PCSK6: variants seen among roughly 807,000 people sequenced by gnomAD.
The protein encoded by PCSK6 is paired basic amino acid cleaving enzyme 4.
Under a neutral mutation model 123.3 loss-of-function variants are expected in PCSK6, and 85 were observed. That is an observed-to-expected ratio of 0.69 (90% CI 0.58 to 0.83). The LOEUF is 0.83. PCSK6 is among the 40% of genes least tolerant of loss of function. The probability of loss-of-function intolerance (pLI) is 0.00; values close to 1 mark genes in which losing one functional copy is unlikely to be tolerated. For missense variants in PCSK6, 1,191 were observed against 1,282.3 expected, an observed-to-expected ratio of 0.93 and a Z score of 1.09; for synonymous variants, 508 against 516.0, an observed-to-expected ratio of 0.98 and a Z score of 0.21.
chr15:101,489,398 C>A lies in PCSK6; in HGVS notation c.273G>T (p.Ala91=). The change falls in exon 1 of 22, where the codon GCG becomes GCT. Residue 91 remains alanine (A), a synonymous_variant. Transcript: ENST00000611716. The part of the protein sequence containing the change: ...GPAEADRVAA[A]HGYLNLGQIG... ...CCTGGCCCAAGTTGAGGTACCCGTG[C>A]GCCGCCGCCACGCGGTCCGCCTCGG... The A allele has an allele frequency of 2.4e-6, 3 of 1,270,436 alleles. No homozygotes were observed. The highest frequency in any genetic ancestry group is 3.0e-6 in the Non-Finnish European group (3 of 993,858). The allele number at this position is 1,270,436 out of a possible 1,614,324, so 78.7% of individuals were successfully genotyped here.
intron 6 of PCSK6, among the ~76,000 whole-genome samples, chr15:101,418,322 C>T (rs1375744040): frequency 5.9e-5 from 9 of 152,120 alleles, no homozygotes; most frequent in Admixed American, 1.3e-4. Flanking sequence ...ACTCTTTCTA[C>T]GAGACTGGCC....
chr15:101,411,234 C>A (rs774030605), intron 6 of PCSK6, among the ~76,000 whole-genome samples: 14 of 152,084 alleles, frequency 9.2e-5, no homozygotes, highest in Non-Finnish European at 1.8e-4. Flanking sequence ...CCAGGCTGGG[C>A]GTGCAAGGAC....
At chr15:101,322,338 C>T (rs552799116) in intron 18 of PCSK6, among the ~76,000 whole-genome samples, 182 bp downstream of exon 18, 2 of 152,206 alleles carry the variant, frequency 1.3e-5, no homozygotes, top group South Asian at 2.1e-4. Context: ...AGATTCCGCC[C>T]ATCCTCTCCC....
chr15:101,353,248 G>A (rs1030902445), intron 13 of PCSK6, among the ~76,000 whole-genome samples: 9 of 152,188 alleles, frequency 5.9e-5, no homozygotes, highest in African/African-American at 1.2e-4. Context: ...CATAAGGAGC[G>A]TGCAACCTAG....
chr15:101,366,154 T>C (rs1264059257), intron 13 of PCSK6, 42 bp downstream of exon 13: 1 of 1,576,304 alleles, frequency 6.3e-7, no homozygotes, highest in Non-Finnish European at 8.6e-7. Context: ...AAAAGAGGCT[T>C]GAGATACAAA....
At chr15:101,362,341 C>A (rs1344652089) in intron 13 of PCSK6, among the ~76,000 whole-genome samples, 4 of 152,146 alleles carry the variant, frequency 2.6e-5, no homozygotes, top group South Asian at 4.1e-4. Flanking sequence ...CCAGTTAGAC[C>A]CATGCCCAGA....
chr15:101,467,540 T>C (rs1047192483), intron 1 of PCSK6, among the ~76,000 whole-genome samples: 1 of 152,164 alleles, frequency 6.6e-6, no homozygotes, highest in East Asian at 1.9e-4. Context: ...CCCAAAGTGC[T>C]GGAATTACAG....
At chr15:101,315,718 C>T (rs189259205) in intron 19 of PCSK6, among the ~76,000 whole-genome samples, 1 of 152,262 alleles carries the variant, frequency 6.6e-6, no homozygotes, top group Non-Finnish European at 1.5e-5. Flanking sequence ...GGCACTGCCC[C>T]GCAACTTGGT....
At chr15:101,324,688 T>C (rs921387658) in intron 17 of PCSK6, among the ~76,000 whole-genome samples, 162 bp downstream of exon 17, 1 of 152,224 alleles carries the variant, frequency 6.6e-6, no homozygotes, top group African/African-American at 2.4e-5. Context: ...TCTGGGTGCT[T>C]TGATTTCATC....
intron 11 of PCSK6, among the ~76,000 whole-genome samples, chr15:101,372,151 C>A (rs2041604585): frequency 6.6e-6 from 1 of 152,196 alleles, no homozygotes; most frequent in Non-Finnish European, 1.5e-5. Flanking sequence ...CCCCGACCCA[C>A]CCCAGTGATC....
chr15:101,354,586 G>T (rs1054328860), intron 13 of PCSK6, among the ~76,000 whole-genome samples: 4 of 152,250 alleles, frequency 2.6e-5, no homozygotes, highest in African/African-American at 9.6e-5. Context: ...CTTGTGCCAT[G>T]TAAATCTCTC....
intron 6 of PCSK6, among the ~76,000 whole-genome samples, chr15:101,416,409 A>C (rs2055888616): frequency 6.6e-6 from 1 of 152,242 alleles, no homozygotes; most frequent in Admixed American, 6.5e-5. Context: ...TTCTGTTTTA[A>C]AAGGGAAGCA....
intron 19 of PCSK6, among the ~76,000 whole-genome samples, chr15:101,314,356 C>T (rs1043948166): frequency 9.2e-5 from 14 of 152,134 alleles, no homozygotes; most frequent in Non-Finnish European, 1.5e-4. Context: ...ACTGATGGGA[C>T]GTCAGAGAGG....
intron 11 of PCSK6, among the ~76,000 whole-genome samples, chr15:101,375,983 G>A (rs1326915063): frequency 1.3e-5 from 2 of 152,158 alleles, no homozygotes; most frequent in East Asian, 1.9e-4. Flanking sequence ...GCAGTGAGCC[G>A]AGATCGCGCC....
At position 101,305,036 on chromosome 15, in the gene PCSK6, T is replaced by C; in HGVS notation, c.*222A>G. 5.6e-6 allele frequency: 3 copies of C among 533,686 alleles called. No homozygotes were observed. In the East Asian group the frequency reaches 9.1e-5, roughly 16 times the overall value. The allele number at this position is 533,686 out of a possible 1,614,324, so 33.1% of individuals were successfully genotyped here. A position where few individuals can be genotyped will look rare whatever the true frequency, so the allele number is the denominator to read the frequency against. On this transcript the variant is annotated 3_prime_UTR_variant, in exon 22 of 22. Transcript: ENST00000611716. This position sits in a 1 kb window ranked among gnomAD's most constrained non-coding sequence, Gnocchi z 4.8. Reference sequence around the variant, plus strand: ...TGTTCCTGTTAGTTTGTCGGAAGACTGGAGCCAACAAGCAGCATTTGAGAG... The same window carrying C: ...TGTTCCTGTTAGTTTGTCGGAAGACCGGAGCCAACAAGCAGCATTTGAGAG...
chr15:101,388,509 G>A (rs4965840), intron 9 of PCSK6, among the ~76,000 whole-genome samples: 97,220 of 145,960 alleles, frequency 0.67, 31,833 homozygotes, highest in Admixed American at 0.75. Flanking sequence ...CAACACATAC[G>A]CAACTCAAGA....
intron 15 of PCSK6, among the ~76,000 whole-genome samples, chr15:101,329,517 C>T (rs560360330): frequency 2.0e-5 from 3 of 152,314 alleles, no homozygotes; most frequent in East Asian, 1.9e-4. Flanking sequence ...CCTGAGCAAG[C>T]GACCTGAGGC....
Position 101,389,549 on chromosome 15 carries a change from G to C in PCSK6, c.1225C>G (p.Arg409Gly). The C allele has an allele frequency of 6.2e-7, 1 of 1,612,588 alleles. No individual in the cohort carries two copies. Among genetic ancestry groups the C allele is most frequent in the Non-Finnish European group, 8.5e-7 (1 of 1,178,944 alleles). Residue 409 changes from arginine to glycine, a missense_variant, in exon 9 of 22, where the codon CGT (arginine) becomes GGT (glycine). Coordinates refer to ENST00000611716, the MANE Select transcript of PCSK6 (RefSeq NM_002570.5). ...YERKIVTTDL[R>G]QRCTDGHTGT... ...GTGTGGCCATCGGTACAGCGCTGAC[G>C]CAGATCCGTGGTGACCTGGGGGAGA...
Position 101,489,429 on chromosome 15 carries a change from C to T in PCSK6, c.242G>A (p.Gly81Asp). Reference sequence around the variant, plus strand: ...CGCCACGCGGTCCGCCTCGGCCGGGCCGCCCAGCACTTGCACCGCCCAGTG... The same window carrying T: ...CGCCACGCGGTCCGCCTCGGCCGGGTCGCCCAGCACTTGCACCGCCCAGTG... ...TNHWAVQVLG[G>D]PAEADRVAAA... Residue 81 changes from glycine to aspartate, a missense_variant, in exon 1 of 22, where the codon GGC becomes GAC. Gly to Asp is a moderately conservative substitution (Grantham distance 94). Coordinates refer to ENST00000611716, the MANE Select transcript of PCSK6 (RefSeq NM_002570.5). The T allele has an allele frequency of 2.4e-6, 3 of 1,275,642 alleles. No homozygotes were observed. Among genetic ancestry groups the T allele is most frequent in the Non-Finnish European group, 3.0e-6 (3 of 997,752 alleles). The allele number at this position is 1,275,642 out of a possible 1,614,324, so 79.0% of individuals were successfully genotyped here. A position where few individuals can be genotyped will look rare whatever the true frequency, so the allele number is the denominator to read the frequency against.
Sources: gnomAD v4.1 joint callset for allele counts (sites outside exome capture counted in the v4.1 genomes callset) on GRCh38, gnomAD v4.1.1 for gene constraint, Gnocchi (gnomAD v3.1) non-coding constraint, MANE v1.5 for transcripts, NCBI Gene and HGNC (gene_info 2026-07-23, HGNC 2026-07-21) for gene names.